Variants in DENND5B observed in about 807,000 individuals in gnomAD.
DENND5B encodes the protein DENN domain containing 5B, also known as DENN domain-containing protein 5B.
A neutral mutation model predicts 140.6 loss-of-function variants in DENND5B; 34 were observed. The observed-to-expected ratio is 0.24, with a 90% CI of 0.18 to 0.32. The LOEUF is 0.32. Among genes scored for constraint, DENND5B ranks in the 10% least tolerant of loss-of-function variants. The pLI, the probability that DENND5B is intolerant of heterozygous loss-of-function variation, is 1.00. For missense variants in DENND5B, 1,142 were observed against 1,560.2 expected (o/e 0.73, Z 4.52); for synonymous variants, 551 against 562.1 (o/e 0.98, Z 0.28).
At chr12:31,543,157 T>C (rs962240373) in intron 1 of DENND5B, among the ~76,000 whole-genome samples, 8 of 152,214 alleles carry the variant, frequency 5.3e-5, no homozygotes, top group African/African-American at 1.4e-4. Flanking sequence ...ACAGTGAGCG[T>C]TGACCGGGCC....
intron 1 of DENND5B, among the ~76,000 whole-genome samples, chr12:31,555,783 C>T (rs1202900545): frequency 3.3e-5 from 5 of 152,216 alleles, no homozygotes; most frequent in Non-Finnish European, 5.9e-5. Flanking sequence ...AGCCTCACTG[C>T]CACCTTGCAG....
chr12:31,439,328 G>A (rs1004288233), intron 7 of DENND5B, among the ~76,000 whole-genome samples: 1 of 152,090 alleles, frequency 6.6e-6, no homozygotes, highest in African/African-American at 2.4e-5. Context: ...TGTGGAAATG[G>A]GAAACCATAA....
intron 11 of DENND5B, among the ~76,000 whole-genome samples, chr12:31,421,051 T>G (rs1028417073): frequency 2.0e-5 from 3 of 152,156 alleles, no homozygotes; most frequent in African/African-American, 7.2e-5. Flanking sequence ...TCAAAATTTT[T>G]TTTTGTTTTT....
intron 1 of DENND5B, chr12:31,541,040 A>AT (rs1204093131): frequency 2.6e-5 from 9 of 349,960 alleles, no homozygotes; most frequent in African/African-American, 2.4e-4. Context: ...CTCTTACCAT[A>AT]TAAAAAAAAA....
intron 3 of DENND5B, among the ~76,000 whole-genome samples, chr12:31,460,682 T>C (rs1315905105): frequency 6.6e-6 from 1 of 152,202 alleles, no homozygotes; most frequent in Non-Finnish European, 1.5e-5. Context: ...CTAATAAAAC[T>C]GCTCTTGGCA....
rs575368432 is a variant in DENND5B, at chr12:31,483,546, T to C, written c.238-3291A>G. 4.0e-5 allele frequency among the ~76,000 whole-genome samples: 6 copies of C among 151,200 alleles called. No homozygotes were observed. The South Asian group carries it at 1.3e-3, about 32-fold the overall frequency. Reference sequence around the variant, plus strand: ...ACCTCTGCCTCGCAAGTTCAAGCAATTCTCCTGCCTCAGCCTCCCAAGTAG... The same window carrying C: ...ACCTCTGCCTCGCAAGTTCAAGCAACTCTCCTGCCTCAGCCTCCCAAGTAG... On this transcript the variant is annotated intron_variant, in intron 2 of 20. Coordinates refer to ENST00000389082, the MANE Select transcript of DENND5B (RefSeq NM_144973.4).
intron 8 of DENND5B, chr12:31,432,856 A>G (rs1047484087): frequency 3.8e-6 from 1 of 266,448 alleles, no homozygotes; most frequent in Non-Finnish European, 7.0e-6. Flanking sequence ...TCATGCAGAC[A>G]ATTTTTCTCC....
intron 1 of DENND5B, chr12:31,499,712 T>G: frequency 9.3e-6 from 13 of 1,400,684 alleles, no homozygotes; most frequent in Non-Finnish European, 1.1e-5. Flanking sequence ...TATGAACAAA[T>G]AAAAACAAAC....
intron 15 of DENND5B, among the ~76,000 whole-genome samples, chr12:31,400,539 A>C (rs1429647300): frequency 6.6e-6 from 1 of 152,224 alleles, no homozygotes; most frequent in African/African-American, 2.4e-5. Flanking sequence ...ACAACATCAG[A>C]ATTGTAAGTT....
intron 1 of DENND5B, among the ~76,000 whole-genome samples, chr12:31,569,060 CTTTTTTTTT>C (rs1234009016): frequency 4.3e-5 from 4 of 93,162 alleles, no homozygotes. Flanking sequence ...AGCAACATAC[CTTTTTTTTT>C]TTTTTTTTTT....
intron 1 of DENND5B, among the ~76,000 whole-genome samples, chr12:31,543,896 C>G (rs1254863393): frequency 1.3e-5 from 2 of 152,174 alleles, no homozygotes; most frequent in Admixed American, 6.5e-5. Context: ...ATGGCCGGCA[C>G]AATGGCTCAC....
intron 1 of DENND5B, among the ~76,000 whole-genome samples, chr12:31,529,567 GCTCACAC>G (rs1948208411): frequency 6.6e-6 from 1 of 152,036 alleles, no homozygotes; most frequent in South Asian, 2.1e-4. Context: ...GGGCACGGTG[GCTCACAC>G]CTCACTTTGG....
intron 1 of DENND5B, among the ~76,000 whole-genome samples, chr12:31,558,271 C>T (rs373723362): frequency 6.6e-6 from 1 of 152,110 alleles, no homozygotes; most frequent in African/African-American, 2.4e-5. Flanking sequence ...AACCCACCCC[C>T]CAACCCCCTT....
intron 1 of DENND5B, among the ~76,000 whole-genome samples, chr12:31,583,838 C>CT (rs1344099174): frequency 6.6e-6 from 1 of 152,176 alleles, no homozygotes; most frequent in African/African-American, 2.4e-5. Context: ...ACTCCAGAAT[C>CT]TGACACACTG....
At chr12:31,394,531 G>C (rs1457211870) in intron 17 of DENND5B, among the ~76,000 whole-genome samples, 2 of 151,856 alleles carry the variant, frequency 1.3e-5, no homozygotes, top group East Asian at 1.9e-4. Flanking sequence ...ATTTTGATGA[G>C]CTTTGACAAA....
chr12:31,477,276 G>T (rs1219812031), intron 3 of DENND5B, among the ~76,000 whole-genome samples: 5 of 152,006 alleles, frequency 3.3e-5, no homozygotes, highest in Non-Finnish European at 7.4e-5. Flanking sequence ...ACACCATAAG[G>T]TATTAAGCTC....
At chr12:31,431,341 G>A (rs1943500024) in intron 8 of DENND5B, among the ~76,000 whole-genome samples, 1 of 152,146 alleles carries the variant, frequency 6.6e-6, no homozygotes, top group Non-Finnish European at 1.5e-5. Context: ...ACATAATGGG[G>A]GAAAACTATA....
chr12:31,398,612 C>A (rs910109920), intron 16 of DENND5B, among the ~76,000 whole-genome samples: 2 of 151,966 alleles, frequency 1.3e-5, no homozygotes, highest in Non-Finnish European at 2.9e-5. Context: ...AGAATATTTT[C>A]AAACTAGAAA....
chr12:31,583,473 T>C (rs1439610655), intron 1 of DENND5B, among the ~76,000 whole-genome samples: 1 of 151,734 alleles, frequency 6.6e-6, no homozygotes, highest in African/African-American at 2.4e-5. Context: ...GGTCAGGAGT[T>C]CAAGACCAGC....
Sources: gnomAD v4.1 joint callset for allele counts (sites outside exome capture counted in the v4.1 genomes callset) on GRCh38, gnomAD v4.1.1 for gene constraint, MANE v1.5 for transcripts, NCBI Gene and HGNC (gene_info 2026-07-23, HGNC 2026-07-21) for gene names.